CD151: variants seen among roughly 807,000 people sequenced by gnomAD.
CD151 encodes CD151 molecule (Raph blood group).
In CD151, 20 loss-of-function variants were observed where a neutral mutation model predicts 34.2. The ratio of observed to expected loss-of-function variants is 0.58; its 90% CI spans 0.41 to 0.85. The LOEUF is 0.85. Among genes scored for constraint, CD151 ranks in the 40% least tolerant of loss-of-function variants. The pLI, the probability that CD151 is intolerant of heterozygous loss-of-function variation, is 0.00. For synonymous variants in CD151, 157 were observed against 131.7 expected (o/e 1.19, Z -1.32); for missense variants, 306 against 324.5 (o/e 0.94, Z 0.44).
chr11:836,867 CAG>C (rs751464320), intron 5 of CD151, 24 bp downstream of exon 5: 20 of 1,603,558 alleles, frequency 1.2e-5, no homozygotes, highest in African/African-American at 2.7e-5. Flanking sequence ...GCAGGCCATT[CAG>C]AGACACAGAC....
In CD151 at chr11:836,182, C is replaced by A; in HGVS notation, c.84+29C>A. On this transcript the variant is annotated intron_variant, in intron 3 of 8. Coordinates refer to ENST00000397420, the MANE Select transcript of CD151 (RefSeq NM_004357.5). ...AGGAGGGGTCGCCTTGCCCCCACCC[C>A]CACCCCCACCCCTCCCGGGCCACCA... The A allele has an allele frequency of 1.4e-6, 2 of 1,407,416 alleles. 1 individual carries two copies. Among genetic ancestry groups the A allele is most frequent in the Non-Finnish European group, 2.0e-6 (2 of 995,178 alleles). 87.2% of individuals were successfully genotyped at this position (1,407,416 alleles called of 1,614,324 possible). A position where few individuals can be genotyped will look rare whatever the true frequency, so the allele number is the denominator to read the frequency against.
Position 835,836 on chromosome 11 carries a change from C to T in CD151, c.-7-227C>T, listed in dbSNP as rs960400749. ...CCAAGTAGCTGGGACTACAGGCGCCCGCCACCACGCCCGGCTAATTTTTTG... is the reference window on the plus strand; with the variant it reads ...CCAAGTAGCTGGGACTACAGGCGCCTGCCACCACGCCCGGCTAATTTTTTG... On this transcript the variant is annotated intron_variant, in intron 2 of 8. Coordinates refer to ENST00000397420, the MANE Select transcript of CD151 (RefSeq NM_004357.5). 35 of 476,422 alleles carry T rather than the reference C, an allele frequency of 7.3e-5. No individual in the cohort carries two copies. In the Admixed American group the frequency reaches 7.6e-4, roughly 10 times the overall value. The allele number at this position is 476,422 out of a possible 1,614,324, so 29.5% of individuals were successfully genotyped here.
chr11:838,506 A>C lies in CD151; in HGVS notation c.*314A>C. ...GCCGAGCGTTCCCAGCAGGGGGAGA[A>C]ACCCTTCACACCCCAGGCCCTTCAG... On this transcript the variant is annotated 3_prime_UTR_variant, in exon 9 of 9. Coordinates refer to ENST00000397420, the MANE Select transcript of CD151 (RefSeq NM_004357.5). The C allele has an allele frequency of 3.9e-6, 2 of 506,612 alleles. No homozygotes were observed. Among genetic ancestry groups the C allele is most frequent in the Non-Finnish European group, 7.1e-6 (2 of 280,976 alleles). 31.4% of individuals were successfully genotyped at this position (506,612 alleles called of 1,614,324 possible).
intron 5 of CD151, 180 bp from the exon 6 acceptor site, chr11:837,070 G>A (rs898745434): frequency 1.5e-6 from 1 of 661,866 alleles, no homozygotes. Context: ...GCACTTCATT[G>A]TCACCCTGGT....
At position 837,327 on chromosome 11, in the gene CD151, C is replaced by T; in HGVS notation, c.429C>T (p.Thr143=). Residue 143 remains threonine (T), a synonymous_variant, in exon 6 of 9, where the codon ACC becomes ACT. Coordinates refer to ENST00000397420, the MANE Select transcript of CD151 (RefSeq NM_004357.5). ...ACCAGCCGGGCCATGAGGCTGTGAC[C>T]AGCGCTGTGGACCAGCTGCAGCAGG... ...RYHQPGHEAV[T]SAVDQLQQEF... 1.2e-6 allele frequency: 2 copies of T among 1,612,888 alleles called. No individual in the cohort carries two copies. The highest frequency in any genetic ancestry group is 1.1e-5 in the South Asian group (1 of 91,080).
intron 2 of CD151, 174 bp from the exon 3 acceptor site, chr11:835,889 G>A (rs897927528): frequency 6.1e-5 from 36 of 591,496 alleles, no homozygotes; most frequent in East Asian, 2.0e-4. Context: ...GGGTTTCACC[G>A]TGTTAGCCAG....
rs745521783 is a variant in CD151, at chr11:836,171, TGCCCCC to T, written c.84+19_84+24del. On this transcript the variant is annotated intron_variant, in intron 3 of 8. Transcript: ENST00000397420. ...GCTTCTGGGTGAGGAGGGGTCGCCT[TGCCCCC>T]ACCCCCACCCCCACCCCTCCCGGGC... The T allele has an allele frequency of 4.5e-6, 7 of 1,563,302 alleles. No individual in the cohort carries two copies. Among genetic ancestry groups the T allele is most frequent in the Non-Finnish European group, 1.8e-6 (2 of 1,135,856 alleles).
At chr11:835,310 T>A (rs1003695623) in intron 2 of CD151, 1 of 152,324 alleles carries the variant, frequency 6.6e-6, no homozygotes, top group African/African-American at 2.4e-5. Flanking sequence ...TGCCCCGACT[T>A]CTGGGCTGGC....
In CD151 at chr11:837,632, G is replaced by A. The variant is rs1298162950; in HGVS notation, c.615+14G>A. The A allele has an allele frequency of 8.7e-6, 14 of 1,608,770 alleles. No individual in the cohort carries two copies. Among genetic ancestry groups the A allele is most frequent in the Middle Eastern group, 1.9e-4 (1 of 5,392 alleles). ...TACAAGGTGGAGGTGGGTGTGCAGC[G>A]GGATCATGCCTCCAGTGTCTACGAG... On this transcript the variant is annotated intron_variant, in intron 7 of 8. Coordinates refer to ENST00000397420, the MANE Select transcript of CD151 (RefSeq NM_004357.5).
intron 2 of CD151, chr11:835,701 A>AT: frequency 5.8e-6 from 1 of 173,184 alleles, no homozygotes. Flanking sequence ...TTATTTATTT[A>AT]TTTTGAGATG....
At chr11:835,724 G>C in intron 2 of CD151, 1 of 223,162 alleles carries the variant, frequency 4.5e-6, no homozygotes, top group Non-Finnish European at 9.0e-6. Flanking sequence ...GTCTCACTCT[G>C]TCGCCCAGGC....
rs748293136 is a variant in CD151, at chr11:836,301, G to A, written c.135G>A (p.Lys45=). 6.2e-7 allele frequency: 1 copy of A among 1,612,748 alleles called. No homozygotes were observed. Among genetic ancestry groups the A allele is most frequent in the Non-Finnish European group, 8.5e-7 (1 of 1,179,954 alleles). Residue 45 remains lysine, a synonymous_variant, in exon 4 of 9, where the codon AAG becomes AAA. Transcript: ENST00000397420. ...TGGGCATCTGGACGCTGGCCCTCAA[G>A]AGTGACTACATCAGCCTGCTGGCCT... ...MAVGIWTLAL[K]SDYISLLASG...
rs546014287 is a variant in CD151, at chr11:837,726, G to C, written c.615+108G>C. The C allele has an allele frequency of 2.5e-6, 3 of 1,208,834 alleles. No homozygotes were observed. In the East Asian group the frequency reaches 7.4e-5, roughly 30 times the overall value. 74.9% of individuals were successfully genotyped at this position (1,208,834 alleles called of 1,614,324 possible). A position where few individuals can be genotyped will look rare whatever the true frequency, so the allele number is the denominator to read the frequency against. ...ACGCCTCCAATATCTACCAGGAGGTGGGGGGTCACCCCAGTGGCCGGATGT... is the reference window on the plus strand; with the variant it reads ...ACGCCTCCAATATCTACCAGGAGGTCGGGGGTCACCCCAGTGGCCGGATGT... On this transcript the variant is annotated intron_variant, in intron 7 of 8. Transcript: ENST00000397420.
At chr11:836,869 G>C (rs1457813667) in intron 5 of CD151, 26 bp downstream of exon 5, 15 of 1,604,348 alleles carry the variant, frequency 9.3e-6, no homozygotes, top group South Asian at 2.2e-5. Context: ...AGGCCATTCA[G>C]AGACACAGAC....
chr11:835,087 A>G (rs2133956928), intron 2 of CD151: 1 of 152,310 alleles, frequency 6.6e-6, no homozygotes, highest in Non-Finnish European at 1.5e-5. Context: ...GCAGGCTGGC[A>G]TGAGCTCACC....
At position 838,371 on chromosome 11, in the gene CD151, A is replaced by C; in HGVS notation, c.*179A>C. On this transcript the variant is annotated 3_prime_UTR_variant, in exon 9 of 9. Transcript: ENST00000397420. Reference sequence around the variant, plus strand: ...GCACCAATGCCCAGCAGGGGAGGTGAGGGGGGCTGGCGGGGCGAAGTTTGG... The same window carrying C: ...GCACCAATGCCCAGCAGGGGAGGTGCGGGGGGCTGGCGGGGCGAAGTTTGG... 8.6e-5 allele frequency: 14 copies of C among 162,300 alleles called. No homozygotes were observed. Among genetic ancestry groups the C allele is most frequent in the East Asian group, 2.6e-4 (2 of 7,836 alleles). The allele number at this position is 162,300 out of a possible 1,614,324, so 10.1% of individuals were successfully genotyped here.
rs912440689 is a variant in CD151, at chr11:837,922, C to CAA, written c.616-19_616-18insAA. The CAA allele has an allele frequency of 1.9e-6, 3 of 1,595,590 alleles. No individual in the cohort carries two copies. In the African/African-American group the frequency reaches 4.0e-5, roughly 21 times the overall value. ...AGGTGCCCCCTGGGCCCGCCTTCAA[C>CAA]ACCCATCCGCGCCCCGCAGGGCGGC... is the stretch of plus-strand genomic sequence containing the variant. On this transcript the variant is annotated intron_variant, in intron 7 of 8. Coordinates refer to ENST00000397420, the MANE Select transcript of CD151 (RefSeq NM_004357.5).
At chr11:833,722 G>C (rs1174291453) in intron 1 of CD151, among the ~76,000 whole-genome samples, 2 of 145,108 alleles carry the variant, frequency 1.4e-5, no homozygotes, top group African/African-American at 5.1e-5. Context: ...TCTGTGCCCA[G>C]AACCAACTTC....
At position 836,172 on chromosome 11, in the gene CD151, G is replaced by GCCCCCC. The variant is rs1846756489; in HGVS notation, c.84+24_84+25insCCCCCC. On this transcript the variant is annotated intron_variant, in intron 3 of 8. Coordinates refer to ENST00000397420, the MANE Select transcript of CD151 (RefSeq NM_004357.5). ...CTTCTGGGTGAGGAGGGGTCGCCTTGCCCCCACCCCCACCCCCACCCCTCC... is the reference window on the plus strand; with the variant it reads ...CTTCTGGGTGAGGAGGGGTCGCCTTGCCCCCCCCCCCACCCCCACCCCCACCCCTCC... 10 of 1,547,490 alleles carry GCCCCCC rather than the reference G, an allele frequency of 6.5e-6. No homozygotes were observed. Among genetic ancestry groups the GCCCCCC allele is most frequent in the Non-Finnish European group, 8.0e-6 (9 of 1,121,630 alleles).
Sources: allele counts gnomAD v4.1 joint callset (sites outside exome capture counted in the v4.1 genomes callset), GRCh38; gene constraint gnomAD v4.1.1; transcripts MANE v1.5; gene names NCBI Gene and HGNC (gene_info 2026-07-23, HGNC 2026-07-21).